Variants in GLRA2 observed in about 807,000 individuals in gnomAD.
The protein encoded by GLRA2 is glycine receptor alpha 2.
In GLRA2, 11 loss-of-function variants were observed where a neutral mutation model predicts 31.6. The observed-to-expected ratio is 0.35, with a 90% CI of 0.22 to 0.58. The LOEUF (loss-of-function observed/expected upper bound fraction) is 0.58. GLRA2 is among the 20% of genes least tolerant of loss of function. The probability of loss-of-function intolerance (pLI) is 0.84; values close to 1 mark genes in which losing one functional copy is unlikely to be tolerated. For missense variants in GLRA2, 212 were observed against 351.8 expected, an observed-to-expected ratio of 0.60 and a Z score of 3.18; for synonymous variants, 132 against 134.0, an observed-to-expected ratio of 0.99 and a Z score of 0.10.
At chrX:14,471,934 G>A in the GLRA2 span, among the ~76,000 whole-genome samples, 1 of 112,124 alleles carries the variant, frequency 8.9e-6, no homozygotes, top group South Asian at 3.7e-4. Flanking sequence ...GAGAATGGTG[G>A]ACTGGGAGTG....
the GLRA2 span, among the ~76,000 whole-genome samples, chrX:14,499,445 C>T: frequency 9.1e-6 from 1 of 110,372 alleles, no homozygotes. Context: ...CTTAAAATAC[C>T]TTGGAATCAA....
At chrX:14,458,827 G>T in the GLRA2 span, among the ~76,000 whole-genome samples, 9 of 111,733 alleles carry the variant, frequency 8.1e-5, no homozygotes, top group Admixed American at 3.8e-4. Context: ...CAGGTTGCCT[G>T]TTCACTCTGA....
chrX:14,539,802 G>C (rs1159786702), intron 2 of GLRA2, among the ~76,000 whole-genome samples: 1 of 111,874 alleles, frequency 8.9e-6, no homozygotes, highest in East Asian at 2.8e-4. Flanking sequence ...TATATGACTG[G>C]ATAAGTCTTG....
chrX:14,608,901 T>C (rs1421190996), intron 6 of GLRA2, 90 bp from the exon 7 acceptor site: 2 of 78,358 alleles, frequency 2.6e-5, no homozygotes, highest in Non-Finnish European at 4.7e-5. Context: ...TGCAGTAGTC[T>C]TTTTTTTTTT....
intron 7 of GLRA2, among the ~76,000 whole-genome samples, chrX:14,685,896 T>G (rs2091271654): frequency 8.9e-6 from 1 of 112,051 alleles, no homozygotes; most frequent in East Asian, 2.8e-4. Context: ...TTCTTTTAAT[T>G]GTGATGTTAG....
Position 14,727,375 on chromosome X carries a change from G to C in GLRA2, c.1081-2832G>C, listed in dbSNP as rs1372606245. ...AGGTCAACACAGCTTATAAGCCTTG[G>C]AGCAGGCACAGAACAGAAATATCCA... On this transcript the variant is annotated intron_variant, in intron 8 of 8. Coordinates refer to ENST00000218075, the MANE Select transcript of GLRA2 (RefSeq NM_002063.4). 5.4e-5 allele frequency among the ~76,000 whole-genome samples: 6 copies of C among 112,062 alleles called. No individual in the cohort carries two copies. The South Asian group carries it at 2.2e-3, about 41-fold the overall frequency.
chrX:14,520,256 C>T, the GLRA2 span, among the ~76,000 whole-genome samples: 1 of 112,130 alleles, frequency 8.9e-6, no homozygotes, highest in Non-Finnish European at 1.9e-5. Context: ...TTTTTCACAT[C>T]AGTGGCAGAA....
At chrX:14,687,771 A>T (rs374983016) in intron 7 of GLRA2, among the ~76,000 whole-genome samples, 26 of 111,902 alleles carry the variant, frequency 2.3e-4, no homozygotes, top group East Asian at 8.4e-4. Flanking sequence ...AACTTGGAGA[A>T]GTTTGATCAT....
intron 2 of GLRA2, among the ~76,000 whole-genome samples, chrX:14,545,519 G>A (rs1044214746): frequency 9.0e-6 from 1 of 111,243 alleles, no homozygotes; most frequent in East Asian, 2.8e-4. Flanking sequence ...GAGCTTTGGG[G>A]GACACATTAA....
rs780518320 is a variant in GLRA2, at chrX:14,587,468, G to T, written c.494+6062G>T. On this transcript the variant is annotated intron_variant, in intron 4 of 8. Transcript: ENST00000218075. ...AGTATCTGTTGCTTTTTGACTTTTT[G>T]ATAATAGCCATTCTGACTGGTGTGA... Among the ~76,000 whole-genome samples, 6 of 111,910 alleles carry T rather than the reference G, an allele frequency of 5.4e-5. No homozygotes were observed. In the East Asian group the frequency reaches 1.7e-3, roughly 31 times the overall value.
intron 4 of GLRA2, 22 bp from the exon 5 acceptor site, chrX:14,604,293 A>AT: frequency 9.6e-7 from 1 of 1,040,923 alleles, no homozygotes; most frequent in Non-Finnish European, 1.3e-6. Flanking sequence ...AATGGTTTTT[A>AT]ATTTTTTTTT....
chrX:14,704,572 A>C (rs1442194458), intron 8 of GLRA2, among the ~76,000 whole-genome samples: 1 of 112,172 alleles, frequency 8.9e-6, no homozygotes, highest in African/African-American at 3.2e-5. Context: ...TGTTTTTAAC[A>C]AGCTGATTTG....
intron 8 of GLRA2, among the ~76,000 whole-genome samples, chrX:14,729,339 A>G (rs1206591755): frequency 9.0e-6 from 1 of 111,295 alleles, no homozygotes; most frequent in East Asian, 2.8e-4. Context: ...TTTCAATCCC[A>G]GCTTTTCAAC....
chrX:14,667,087 C>A (rs1390387010), intron 7 of GLRA2, among the ~76,000 whole-genome samples: 1 of 112,085 alleles, frequency 8.9e-6, no homozygotes, highest in African/African-American at 3.2e-5. Context: ...ATATGCAATT[C>A]ATTTTGGGGC....
At chrX:14,569,213 C>T (rs2089850823) in intron 2 of GLRA2, among the ~76,000 whole-genome samples, 1 of 111,413 alleles carries the variant, frequency 9.0e-6, no homozygotes, top group Non-Finnish European at 1.9e-5. Flanking sequence ...CAAGACTGTG[C>T]CACTGCACTC....
the GLRA2 span, among the ~76,000 whole-genome samples, chrX:14,507,657 G>A: frequency 3.0e-5 from 3 of 99,963 alleles, no homozygotes; most frequent in Non-Finnish European, 6.0e-5. Flanking sequence ...ATGTCCGACC[G>A]ACCACTTAAA....
At chrX:14,485,479 T>C in the GLRA2 span, among the ~76,000 whole-genome samples, 5 of 111,701 alleles carry the variant, frequency 4.5e-5, no homozygotes, top group Non-Finnish European at 9.4e-5. Context: ...TTTTTCACTG[T>C]ATATATTTAT....
At chrX:14,683,631 G>A (rs2091242158) in intron 7 of GLRA2, among the ~76,000 whole-genome samples, 1 of 111,670 alleles carries the variant, frequency 9.0e-6, no homozygotes, top group Non-Finnish European at 1.9e-5. Context: ...CCATGCCTAT[G>A]TCCTAATGGT....
At chrX:14,725,553 C>T (rs1404317210) in intron 8 of GLRA2, among the ~76,000 whole-genome samples, 5 of 111,683 alleles carry the variant, frequency 4.5e-5, no homozygotes, top group African/African-American at 1.6e-4. Flanking sequence ...TTTTAGGAGT[C>T]CTTTTACTTC....
Sources: allele counts gnomAD v4.1 joint callset (sites outside exome capture counted in the v4.1 genomes callset), GRCh38; gene constraint gnomAD v4.1.1; transcripts MANE v1.5; gene names NCBI Gene and HGNC (gene_info 2026-07-23, HGNC 2026-07-21).